METTL16: variants seen among roughly 807,000 people sequenced by gnomAD.
The protein encoded by METTL16 is methyltransferase 16, RNA N6-adenosine, also known as RNA N(6)-adenosine-methyltransferase METTL16.
Under a neutral mutation model 57.9 loss-of-function variants are expected in METTL16, and 19 were observed. That is an observed-to-expected ratio of 0.33 (90% CI 0.23 to 0.48). METTL16 has a LOEUF of 0.48. METTL16 is among the 20% of genes least tolerant of loss of function. The pLI, the probability that METTL16 is intolerant of heterozygous loss-of-function variation, is 0.99. For synonymous variants in METTL16, 246 were observed against 255.6 expected, an observed-to-expected ratio of 0.96 and a Z score of 0.36; for missense variants, 434 against 691.5, an observed-to-expected ratio of 0.63 and a Z score of 4.18.
rs529104091 is a variant in METTL16 at position 2,420,789 on chromosome 17, G to A, written c.1004C>T (p.Thr335Met). 2.3e-5 allele frequency: 37 copies of A among 1,614,176 alleles called. No individual in the cohort carries two copies. The highest frequency in any genetic ancestry group is 2.6e-5 in the Non-Finnish European group (31 of 1,180,026). Residue 335 changes from threonine to methionine, a missense_variant, in exon 9 of 10, where the codon ACG becomes ATG. Thr to Met is a moderately conservative substitution (Grantham distance 81, BLOSUM62 -1). This residue lies in a region of METTL16 where 96 missense variants were observed against 138.3 expected (regional missense o/e 0.69). Coordinates refer to ENST00000263092, the MANE Select transcript of METTL16 (RefSeq NM_024086.4). The surrounding 1 kb of genome is among the most constrained non-coding windows in gnomAD (Gnocchi z 5.4). The part of the protein sequence containing the change: ...SLKASPLRSE[T>M]AEGIVVVTTW... ...CGTGACAACGACTATGCCTTCCGCCGTCTCCGAGCGCAGAGGTGATGCTTT... is the reference window on the plus strand; with the variant it reads ...CGTGACAACGACTATGCCTTCCGCCATCTCCGAGCGCAGAGGTGATGCTTT...
chr17:2,463,421 G>A (rs926851492), intron 6 of METTL16, among the ~76,000 whole-genome samples: 5 of 152,074 alleles, frequency 3.3e-5, no homozygotes, highest in African/African-American at 9.7e-5. Context: ...CACAGTCTTC[G>A]CAGATTGTAG....
rs7212609 is a variant in METTL16, at chr17:2,496,320, A to G, written c.128+5884T>C. Reference sequence around the variant, plus strand: ...TTACGTCAAACAGTGTTTTTTAGAGATGGGTCTCACCTTGTCGCTCAGGCT... The same window carrying G: ...TTACGTCAAACAGTGTTTTTTAGAGGTGGGTCTCACCTTGTCGCTCAGGCT... On this transcript the variant is annotated intron_variant, in intron 2 of 9. Coordinates refer to ENST00000263092, the MANE Select transcript of METTL16 (RefSeq NM_024086.4). Among the ~76,000 whole-genome samples the G allele has an allele frequency of 6.2e-3, 937 of 151,526 alleles. 32 individuals carry two copies. Among genetic ancestry groups the G allele is most frequent in the African/African-American group, 0.022 (888 of 40,916 alleles).
Position 2,454,561 on chromosome 17 carries a change from TTA to T in METTL16, c.728+9645_728+9646del, listed in dbSNP as rs1320526137. On this transcript the variant is annotated intron_variant, in intron 6 of 9. Transcript: ENST00000263092. ...CATGGATAAGACTATATTATTATTA[TTA>T]TTTTTTTTTTTTTTTTTTTGAGACG... Among the ~76,000 whole-genome samples the T allele has an allele frequency of 2.5e-4, 34 of 135,086 alleles. 2 individuals carry two copies. The highest frequency in any genetic ancestry group is 5.7e-4 in the African/African-American group (19 of 33,236). The allele number at this position is 135,086 out of a possible 152,430, so 88.6% of individuals were successfully genotyped here.
chr17:2,423,497 A>C (rs2066784072), intron 8 of METTL16, among the ~76,000 whole-genome samples: 1 of 152,194 alleles, frequency 6.6e-6, no homozygotes, highest in African/African-American at 2.4e-5. Flanking sequence ...TGCAGTAAGG[A>C]GCTTACAATA....
chr17:2,468,354 A>G (rs1352769131), intron 4 of METTL16, among the ~76,000 whole-genome samples: 2 of 152,168 alleles, frequency 1.3e-5, no homozygotes, highest in African/African-American at 4.8e-5. Flanking sequence ...AAATAGCTTC[A>G]TGGAGAGATC....
chr17:2,499,287 C>A (rs149876320), intron 2 of METTL16, among the ~76,000 whole-genome samples: 1 of 145,034 alleles, frequency 6.9e-6, no homozygotes, highest in African/African-American at 2.6e-5. Context: ...TGATTAAGTA[C>A]AATAGTAAGT....
chr17:2,441,359 G>A, intron 7 of METTL16, 131 bp downstream of exon 7: 1 of 575,350 alleles, frequency 1.7e-6, no homozygotes, highest in Non-Finnish European at 2.8e-6. Flanking sequence ...GACATGAATT[G>A]TTCCGGTGAC....
chr17:2,498,008 C>T (rs2067458880), intron 2 of METTL16, among the ~76,000 whole-genome samples: 1 of 151,660 alleles, frequency 6.6e-6, no homozygotes, highest in African/African-American at 2.4e-5. Context: ...TCGTGGCTAA[C>T]ACGGTGAAAC....
intron 1 of METTL16, among the ~76,000 whole-genome samples, chr17:2,510,451 C>T (rs1448118560): frequency 6.6e-6 from 1 of 152,208 alleles, no homozygotes; most frequent in Non-Finnish European, 1.5e-5. Context: ...GACATCAGTG[C>T]ACACACAACA....
At chr17:2,448,802 TAAAAAA>T (rs71150866) in intron 6 of METTL16, among the ~76,000 whole-genome samples, 16 of 43,622 alleles carry the variant, frequency 3.7e-4, no homozygotes, top group East Asian at 6.4e-4. Flanking sequence ...AAATAAAATT[TAAAAAA>T]AAAAAAAAAA....
At chr17:2,498,022 A>G (rs1013003080) in intron 2 of METTL16, among the ~76,000 whole-genome samples, 2 of 151,462 alleles carry the variant, frequency 1.3e-5, no homozygotes, top group African/African-American at 2.4e-5. Context: ...GTGAAACCCC[A>G]TCTCTACTAA....
At position 2,416,142 on chromosome 17, in the gene METTL16, T is replaced by C. The variant is rs991315877; in HGVS notation, c.*3828A>G. The C allele has an allele frequency of 1.3e-5, 2 of 152,224 alleles. No homozygotes were observed. Among genetic ancestry groups the C allele is most frequent in the Non-Finnish European group, 2.9e-5 (2 of 68,044 alleles). The allele number at this position is 152,224 out of a possible 1,614,324, so 9.4% of individuals were successfully genotyped here. A position where few individuals can be genotyped will look rare whatever the true frequency, so the allele number is the denominator to read the frequency against. ...TACAAATCTGGGTAGCAACTGGGTA[T>C]TTCAAGAAAACACCGTGGACAGACT... On this transcript the variant is annotated 3_prime_UTR_variant, in exon 10 of 10. Transcript: ENST00000263092.
At chr17:2,496,686 C>T (rs2151578057) in intron 2 of METTL16, among the ~76,000 whole-genome samples, 1 of 151,636 alleles carries the variant, frequency 6.6e-6, no homozygotes, top group East Asian at 1.9e-4. Flanking sequence ...GAATGTGTCC[C>T]CCAGAATTCC....
chr17:2,489,341 T>C (rs2067366681), intron 2 of METTL16, among the ~76,000 whole-genome samples: 3 of 152,044 alleles, frequency 2.0e-5, no homozygotes, highest in Non-Finnish European at 1.5e-5. Context: ...CTCTTTGCCC[T>C]TTCCAGGCAT....
intron 8 of METTL16, among the ~76,000 whole-genome samples, chr17:2,422,311 G>A (rs1208285495): frequency 6.7e-6 from 1 of 148,810 alleles, no homozygotes; most frequent in Non-Finnish European, 1.5e-5. Flanking sequence ...TCTGGGCCTG[G>A]GCAACAAGAG....
chr17:2,467,064 CA>C (rs200435770), intron 5 of METTL16, among the ~76,000 whole-genome samples: 4,097 of 152,208 alleles, frequency 0.027, 194 homozygotes, highest in African/African-American at 0.093. Context: ...CTCAGCCTCC[CA>C]AAGTACTGGG....
chr17:2,467,930 G>T, intron 4 of METTL16, 54 bp from the exon 5 acceptor site: 1 of 1,221,884 alleles, frequency 8.2e-7, no homozygotes, highest in Non-Finnish European at 1.2e-6. Flanking sequence ...TGGTTCTAAA[G>T]TATAACCGCG....
At chr17:2,466,403 A>T (rs2067196828) in intron 5 of METTL16, among the ~76,000 whole-genome samples, 1 of 152,112 alleles carries the variant, frequency 6.6e-6, no homozygotes, top group South Asian at 2.1e-4. Flanking sequence ...TTAAGAACAA[A>T]AACAACCATA....
chr17:2,439,956 G>A (rs1012882429), intron 7 of METTL16, among the ~76,000 whole-genome samples: 1 of 152,168 alleles, frequency 6.6e-6, no homozygotes, highest in African/African-American at 2.4e-5. Context: ...GGAGGCCAAG[G>A]TGGAAGGATC....
Sources: gnomAD v4.1 joint callset for allele counts (sites outside exome capture counted in the v4.1 genomes callset) on GRCh38, gnomAD v4.1.1 for gene constraint, gnomAD v4.1.1 regional missense constraint, Gnocchi (gnomAD v3.1) non-coding constraint, MANE v1.5 for transcripts, NCBI Gene and HGNC (gene_info 2026-07-23, HGNC 2026-07-21) for gene names.